TSPAN11: variants seen among roughly 807,000 people sequenced by gnomAD.
TSPAN11 encodes the protein tetraspanin 11, also known as tetraspanin-11.
TSPAN11 carries 29 observed loss-of-function variants against 32.9 expected under a neutral mutation model. That is an observed-to-expected ratio of 0.88 (90% CI 0.66 to 1.20). The LOEUF (loss-of-function observed/expected upper bound fraction) is 1.20, where lower values mean the gene tolerates loss of function less well. TSPAN11 is among the 50% of genes most tolerant of loss of function. The pLI is 0.00. For synonymous variants in TSPAN11, 140 were observed against 141.3 expected (o/e 0.99, Z 0.07); for missense variants, 283 against 329.1 (o/e 0.86, Z 1.08).
At chr12:30,934,763 G>A (rs1938008196) in intron 1 of TSPAN11, among the ~76,000 whole-genome samples, 1 of 151,708 alleles carries the variant, frequency 6.6e-6, no homozygotes, top group Non-Finnish European at 1.5e-5. Flanking sequence ...AGACACCCCT[G>A]CTCTACATAA....
intron 7 of TSPAN11, among the ~76,000 whole-genome samples, chr12:30,990,995 G>A (rs1939301355): frequency 6.6e-6 from 1 of 152,214 alleles, no homozygotes; most frequent in African/African-American, 2.4e-5. Flanking sequence ...AGAGGAGGAA[G>A]AAGGCAGAGG....
intron 1 of TSPAN11, among the ~76,000 whole-genome samples, chr12:30,941,504 C>T (rs1938163781): frequency 6.6e-6 from 1 of 152,224 alleles, no homozygotes; most frequent in Non-Finnish European, 1.5e-5. Flanking sequence ...GTAGTCACTC[C>T]AGTTTTATAG....
At chr12:30,953,561 T>G (rs1366521694) in intron 1 of TSPAN11, among the ~76,000 whole-genome samples, 1 of 152,174 alleles carries the variant, frequency 6.6e-6, no homozygotes, top group Non-Finnish European at 1.5e-5. Context: ...CACCTGTGGA[T>G]GCAGAGTCCT....
intron 1 of TSPAN11, among the ~76,000 whole-genome samples, chr12:30,945,224 C>T (rs1370602002): frequency 6.6e-6 from 1 of 152,132 alleles, no homozygotes; most frequent in Non-Finnish European, 1.5e-5. Context: ...ACACCCCTCC[C>T]TCTGTGTTCC....
At chr12:30,928,109 C>A (rs184439549) in intron 1 of TSPAN11, among the ~76,000 whole-genome samples, 2 of 152,150 alleles carry the variant, frequency 1.3e-5, no homozygotes, top group African/African-American at 2.4e-5. Flanking sequence ...TTATACCCAC[C>A]TTTGGACTCG....
Position 30,992,674 on chromosome 12 carries a change from C to T in TSPAN11, c.*759C>T, listed in dbSNP as rs777909135. Reference sequence around the variant, plus strand: ...CCCCAAGCCCTGGCCTCTAGTGATACGCCCCTCGGGAATCTCCTGTTCCGG... The same window carrying T: ...CCCCAAGCCCTGGCCTCTAGTGATATGCCCCTCGGGAATCTCCTGTTCCGG... On this transcript the variant is annotated 3_prime_UTR_variant, in exon 8 of 8. Coordinates refer to ENST00000546076, the MANE Select transcript of TSPAN11 (RefSeq NM_001370302.1). 10 of 152,356 alleles carry T rather than the reference C, an allele frequency of 6.6e-5. No individual in the cohort carries two copies. Among genetic ancestry groups the T allele is most frequent in the African/African-American group, 1.9e-4 (8 of 41,448 alleles). 9.4% of individuals were successfully genotyped at this position (152,356 alleles called of 1,614,324 possible). A position where few individuals can be genotyped will look rare whatever the true frequency, so the allele number is the denominator to read the frequency against.
intron 1 of TSPAN11, among the ~76,000 whole-genome samples, chr12:30,948,435 G>C (rs1012816085): frequency 5.9e-5 from 9 of 152,204 alleles, no homozygotes; most frequent in African/African-American, 2.2e-4. Flanking sequence ...GTGTTTCCAT[G>C]TGTCTTCTGA....
intron 3 of TSPAN11, among the ~76,000 whole-genome samples, chr12:30,971,268 T>C (rs1391080913): frequency 6.6e-6 from 1 of 152,194 alleles, no homozygotes; most frequent in Non-Finnish European, 1.5e-5. Context: ...GCTCCCTTCT[T>C]TGTGGCAGAA....
At chr12:30,981,431 G>A (rs1939090438) in intron 5 of TSPAN11, among the ~76,000 whole-genome samples, 1 of 152,328 alleles carries the variant, frequency 6.6e-6, no homozygotes, top group Non-Finnish European at 1.5e-5. Context: ...CAACAGCATG[G>A]CATGGAGGTA....
At chr12:30,989,683 T>C (rs1280889160) in intron 7 of TSPAN11, among the ~76,000 whole-genome samples, 2 of 152,064 alleles carry the variant, frequency 1.3e-5, no homozygotes, top group Non-Finnish European at 2.9e-5. Flanking sequence ...TCTCAGAACA[T>C]GGAAAACACA....
chr12:30,940,511 G>A (rs550414636), intron 1 of TSPAN11, among the ~76,000 whole-genome samples: 27 of 152,274 alleles, frequency 1.8e-4, no homozygotes, highest in Admixed American at 8.5e-4. Flanking sequence ...GAGGGAATCC[G>A]ACAGGTTTAG....
chr12:30,958,558 T>C (rs1444642347), intron 2 of TSPAN11, among the ~76,000 whole-genome samples: 1 of 152,064 alleles, frequency 6.6e-6, no homozygotes, highest in Non-Finnish European at 1.5e-5. Context: ...GGGGCTGCAG[T>C]CTAAGGTTCA....
In TSPAN11 at chr12:30,992,236, C is replaced by T. The variant is rs910757393; in HGVS notation, c.*321C>T. On this transcript the variant is annotated 3_prime_UTR_variant, in exon 8 of 8. Transcript: ENST00000546076. Reference sequence around the variant, plus strand: ...TACGGGAGGGTGGCGGTTGGGTTCTCTGCTCCCTCCCAGCTCCTGAACCTG... The same window carrying T: ...TACGGGAGGGTGGCGGTTGGGTTCTTTGCTCCCTCCCAGCTCCTGAACCTG... The T allele has an allele frequency of 1.2e-5, 5 of 423,794 alleles. No individual in the cohort carries two copies. Among genetic ancestry groups the T allele is most frequent in the African/African-American group, 7.9e-5 (4 of 50,658 alleles). 26.3% of individuals were successfully genotyped at this position (423,794 alleles called of 1,614,324 possible). A position where few individuals can be genotyped will look rare whatever the true frequency, so the allele number is the denominator to read the frequency against.
In TSPAN11 at chr12:30,993,215, G is replaced by A. The variant is rs1175678308; in HGVS notation, c.*1300G>A. 6.6e-6 allele frequency: 1 copy of A among 152,214 alleles called. No homozygotes were observed. Among genetic ancestry groups the A allele is most frequent in the Non-Finnish European group, 1.5e-5 (1 of 68,078 alleles). 9.4% of individuals were successfully genotyped at this position (152,214 alleles called of 1,614,324 possible). On this transcript the variant is annotated 3_prime_UTR_variant, in exon 8 of 8. Coordinates refer to ENST00000546076, the MANE Select transcript of TSPAN11 (RefSeq NM_001370302.1). The stretch of plus-strand genomic sequence containing the variant: ...GCTCCTGCACTTCTCCCCAGAGCGG[G>A]ACCCTCTTACTTCCCCCCATGAAGG...
At chr12:31,006,651 G>A in the TSPAN11 span, among the ~76,000 whole-genome samples, 1 of 152,208 alleles carries the variant, frequency 6.6e-6, no homozygotes. Flanking sequence ...GCATAGGGAG[G>A]AGCCCTGAGC....
chr12:30,928,188 A>G (rs1937842330), intron 1 of TSPAN11, among the ~76,000 whole-genome samples: 1 of 152,216 alleles, frequency 6.6e-6, no homozygotes, highest in Non-Finnish European at 1.5e-5. Flanking sequence ...AACAAGAGGA[A>G]AACTGGCGTT....
chr12:30,978,137 G>A lies in TSPAN11; in HGVS notation c.277-424G>A, dbSNP rs77013025. On this transcript the variant is annotated intron_variant, in intron 3 of 7. Transcript: ENST00000546076. ...CAGTCCTTAAAGATGTTACTTAGGCGTCACCACCTCCAGGAAGCCTTCTCT... is the reference window on the plus strand; with the variant it reads ...CAGTCCTTAAAGATGTTACTTAGGCATCACCACCTCCAGGAAGCCTTCTCT... 2.6e-3 allele frequency among the ~76,000 whole-genome samples: 401 copies of A among 152,108 alleles called. 1 individual carries two copies. The highest frequency in any genetic ancestry group is 9.3e-3 in the African/African-American group (387 of 41,460).
chr12:30,982,250 C>T lies in TSPAN11; in HGVS notation c.457-282C>T, dbSNP rs115243598. Reference sequence around the variant, plus strand: ...GGACCCACCTCGCAGACCCGTCCTGCCCCCAAGACACCCAGCATAATCTCC... The same window carrying T: ...GGACCCACCTCGCAGACCCGTCCTGTCCCCAAGACACCCAGCATAATCTCC... On this transcript the variant is annotated intron_variant, in intron 5 of 7. Transcript: ENST00000546076. Among the ~76,000 whole-genome samples the T allele has an allele frequency of 2.9e-3, 437 of 152,284 alleles. 2 individuals carry two copies. The highest frequency in any genetic ancestry group is 9.8e-3 in the African/African-American group (409 of 41,554).
the TSPAN11 span, among the ~76,000 whole-genome samples, chr12:31,014,670 G>C: frequency 6.6e-6 from 1 of 152,138 alleles, no homozygotes; most frequent in African/African-American, 2.4e-5. Flanking sequence ...AAACCTTAAA[G>C]GACAGATGTT....
Sources: allele counts gnomAD v4.1 joint callset (sites outside exome capture counted in the v4.1 genomes callset), GRCh38; gene constraint gnomAD v4.1.1; transcripts MANE v1.5; gene names NCBI Gene and HGNC (gene_info 2026-07-23, HGNC 2026-07-21).